The following CFH variants were observed in gnomAD, a reference collection of about 807,000 sequenced individuals.
CFH encodes the protein complement factor H, also known as H factor 1 (complement).
Under a neutral mutation model 147.3 loss-of-function variants are expected in CFH, and 53 were observed. The ratio of observed to expected loss-of-function variants is 0.36; its 90% CI spans 0.29 to 0.45. The LOEUF is 0.45. CFH is among the 20% of genes least tolerant of loss of function. The probability of loss-of-function intolerance (pLI) is 1.00; values close to 1 mark genes in which losing one functional copy is unlikely to be tolerated. For synonymous variants in CFH, 536 were observed against 489.4 expected, an observed-to-expected ratio of 1.10 and a Z score of -1.26; for missense variants, 1,380 against 1,498.0, an observed-to-expected ratio of 0.92 and a Z score of 1.30.
At chr1:196,725,037 C>A in intron 11 of CFH, 84 bp from the exon 12 acceptor site, 1 of 1,173,608 alleles carries the variant, frequency 8.5e-7, no homozygotes, top group Admixed American at 2.0e-5. Flanking sequence ...CCAATATCAA[C>A]CTCACTTTAT....
chr1:196,689,968 T>C, intron 8 of CFH, 95 bp from the exon 9 acceptor site: 1 of 1,326,594 alleles, frequency 7.5e-7, no homozygotes, highest in Admixed American at 2.3e-5. Flanking sequence ...TATGCAATCT[T>C]ATTTAAATAT....
At chr1:196,677,959 T>C in intron 5 of CFH, 1 of 385,296 alleles carries the variant, frequency 2.6e-6, no homozygotes. Flanking sequence ...CAAGTTAGGA[T>C]TTAAATGTAG....
chr1:196,726,329 A>T, intron 12 of CFH, 141 bp from the exon 13 acceptor site: 1 of 678,140 alleles, frequency 1.5e-6, no homozygotes, highest in Non-Finnish European at 2.5e-6. Context: ...TATGAACACC[A>T]TTCTTGATTG....
chr1:196,740,859 A>G, intron 18 of CFH, 67 bp downstream of exon 18: 2 of 1,477,364 alleles, frequency 1.4e-6, no homozygotes, highest in Non-Finnish European at 1.9e-6. Flanking sequence ...AGTGGTACCA[A>G]TAAGAAAGTA....
intron 9 of CFH, among the ~76,000 whole-genome samples, chr1:196,713,124 C>G (rs1668763345): frequency 6.6e-6 from 1 of 152,056 alleles, no homozygotes; most frequent in African/African-American, 2.4e-5. Context: ...TTAACAGAAA[C>G]AGTAACTTCC....
chr1:196,665,520 T>C (rs1024995144), intron 1 of CFH, among the ~76,000 whole-genome samples: 2 of 152,006 alleles, frequency 1.3e-5, no homozygotes, highest in African/African-American at 4.8e-5. Context: ...TTAGTCTACC[T>C]GGCATTTGTG....
rs117367736 is a variant in CFH at position 196,679,285 on chromosome 1, G to A, written c.620-338G>A. On this transcript the variant is annotated intron_variant, in intron 5 of 21. Coordinates refer to ENST00000367429, the MANE Select transcript of CFH (RefSeq NM_000186.4). Reference sequence around the variant, plus strand: ...ATTCCTGTCTTATCAATAACTAGAAGATGTGTTATTTTTTGCAGGTCATTC... The same window carrying A: ...ATTCCTGTCTTATCAATAACTAGAAAATGTGTTATTTTTTGCAGGTCATTC... 3.6e-4 allele frequency: 67 copies of A among 187,824 alleles called. No individual in the cohort carries two copies. In the East Asian group the frequency reaches 7.5e-3, roughly 21 times the overall value. The allele number at this position is 187,824 out of a possible 1,614,324, so 11.6% of individuals were successfully genotyped here.
intron 20 of CFH, among the ~76,000 whole-genome samples, chr1:196,744,739 A>T (rs1344283639): frequency 6.6e-6 from 1 of 152,144 alleles, no homozygotes; most frequent in East Asian, 1.9e-4. Flanking sequence ...ATGAGGAAAA[A>T]GATATCCTGT....
At chr1:196,661,254 T>C (rs542463579) in intron 1 of CFH, among the ~76,000 whole-genome samples, 6 of 152,358 alleles carry the variant, frequency 3.9e-5, no homozygotes, top group Admixed American at 2.6e-4. Flanking sequence ...AACTTTCACA[T>C]TATTTTGTAA....
At position 196,697,125 on chromosome 1, in the gene CFH, C is replaced by T. The variant is rs561242629; in HGVS notation, c.1336+6886C>T. Among the ~76,000 whole-genome samples, 3 of 152,298 alleles carry T rather than the reference C, an allele frequency of 2.0e-5. No individual in the cohort carries two copies. In the East Asian group the frequency reaches 5.8e-4, roughly 29 times the overall value. On this transcript the variant is annotated intron_variant, in intron 9 of 21. Coordinates refer to ENST00000367429, the MANE Select transcript of CFH (RefSeq NM_000186.4). ...GACTTCATGTCTAAAATACCAAAAG[C>T]AATGGCAACACAAGCCAAAACTGAC...
At chr1:196,745,339 T>C (rs1484503875) in intron 20 of CFH, among the ~76,000 whole-genome samples, 1 of 152,136 alleles carries the variant, frequency 6.6e-6, no homozygotes, top group Non-Finnish European at 1.5e-5. Flanking sequence ...CAGTTTTTTG[T>C]TTTCAGTTTA....
intron 7 of CFH, among the ~76,000 whole-genome samples, chr1:196,687,439 T>C (rs1036523191): frequency 3.3e-5 from 5 of 152,108 alleles, no homozygotes; most frequent in Non-Finnish European, 2.9e-5. Context: ...GGTAATGTTA[T>C]ATGTTTTTAA....
intron 7 of CFH, among the ~76,000 whole-genome samples, chr1:196,688,209 G>A (rs1223469068): frequency 6.6e-6 from 1 of 151,750 alleles, no homozygotes; most frequent in Non-Finnish European, 1.5e-5. Flanking sequence ...ATAATCCCAT[G>A]AAAAGAGCAA....
At chr1:196,699,467 T>C (rs1306416942) in intron 9 of CFH, among the ~76,000 whole-genome samples, 2 of 152,208 alleles carry the variant, frequency 1.3e-5, no homozygotes, top group Non-Finnish European at 2.9e-5. Context: ...TTTGCAAATA[T>C]TTTTCTTGCA....
chr1:196,702,174 G>C (rs942144826), intron 9 of CFH, among the ~76,000 whole-genome samples: 1 of 152,106 alleles, frequency 6.6e-6, no homozygotes, highest in Non-Finnish European at 1.5e-5. Context: ...CACTTTATGG[G>C]GGAGCTGCAG....
chr1:196,727,282 G>A (rs1669168383), intron 14 of CFH, among the ~76,000 whole-genome samples: 1 of 152,056 alleles, frequency 6.6e-6, no homozygotes, highest in South Asian at 2.1e-4. Flanking sequence ...CAAGAAGATT[G>A]CTTGAGGCCA....
At position 196,678,388 on chromosome 1, in the gene CFH, T is replaced by C. The variant is rs556339529; in HGVS notation, c.619+721T>C. The C allele has an allele frequency of 2.0e-5, 3 of 152,158 alleles. No individual in the cohort carries two copies. In the South Asian group the frequency reaches 6.2e-4, roughly 32 times the overall value. The allele number at this position is 152,158 out of a possible 1,614,324, so 9.4% of individuals were successfully genotyped here. A position where few individuals can be genotyped will look rare whatever the true frequency, so the allele number is the denominator to read the frequency against. ...GTGGTTGATTTGTTTAGTAGTACCATAGTTCAAGTTCATTTTACCAATAAT... is the reference window on the plus strand; with the variant it reads ...GTGGTTGATTTGTTTAGTAGTACCACAGTTCAAGTTCATTTTACCAATAAT... On this transcript the variant is annotated intron_variant, in intron 5 of 21. Transcript: ENST00000367429.
In CFH at chr1:196,737,553, C is replaced by T. The variant is rs151068461; in HGVS notation, c.2675C>T (p.Ala892Val). The T allele has an allele frequency of 2.1e-4, 338 of 1,613,020 alleles. No homozygotes were observed. The highest frequency in any genetic ancestry group is 2.6e-4 in the Non-Finnish European group (307 of 1,179,370). The stretch of plus-strand genomic sequence containing the variant: ...TCCAGGTCTTCACAAGAAAGTTATG[C>T]ACATGGGACTAAATTGAGTTATACT... ...NSSRSSQESYAHGTKLSYTCE... is the reference protein window; with the variant it reads ...NSSRSSQESYVHGTKLSYTCE... Residue 892 changes from alanine (A) to valine (V), a missense_variant, in exon 17 of 22, where the codon GCA becomes GTA. Ala to Val is a moderately conservative substitution (Grantham distance 64). Coordinates refer to ENST00000367429, the MANE Select transcript of CFH (RefSeq NM_000186.4).
intron 9 of CFH, among the ~76,000 whole-genome samples, chr1:196,697,276 C>A (rs1668305597): frequency 1.3e-5 from 2 of 151,902 alleles, no homozygotes; most frequent in Admixed American, 6.6e-5. Flanking sequence ...GGCTAATATC[C>A]AGAATCTACA....
Sources: gnomAD v4.1 joint callset for allele counts (sites outside exome capture counted in the v4.1 genomes callset) on GRCh38, gnomAD v4.1.1 for gene constraint, MANE v1.5 for transcripts, NCBI Gene and HGNC (gene_info 2026-07-23, HGNC 2026-07-21) for gene names.